The following ATG4A variants were observed in gnomAD, a reference collection of about 807,000 sequenced individuals.
The protein encoded by ATG4A is cysteine protease ATG4A.
A neutral mutation model predicts 38.4 loss-of-function variants in ATG4A; 22 were observed. The ratio of observed to expected loss-of-function variants is 0.57; its 90% CI spans 0.41 to 0.82. ATG4A has a LOEUF of 0.82. Ranked by LOEUF, ATG4A falls within the 40% of genes least tolerant of loss-of-function variation. The probability of loss-of-function intolerance (pLI) is 0.00; values close to 1 mark genes in which losing one functional copy is unlikely to be tolerated. For missense variants in ATG4A, 220 were observed against 290.0 expected (o/e 0.76, Z 1.75); for synonymous variants, 86 against 100.7 (o/e 0.85, Z 0.88).
Position 108,153,988 on chromosome X carries a change from G to A in ATG4A, c.*276G>A, listed in dbSNP as rs1264113621. 8.6e-6 allele frequency: 2 copies of A among 231,578 alleles called. No homozygotes were observed. The highest frequency in any genetic ancestry group is 1.5e-5 in the Non-Finnish European group (2 of 130,917). 19.1% of individuals were successfully genotyped at this position (231,578 alleles called of 1,213,427 possible). A position where few individuals can be genotyped will look rare whatever the true frequency, so the allele number is the denominator to read the frequency against. The stretch of plus-strand genomic sequence containing the variant: ...ATTGCTTCCCAGCTTGTGTTATATG[G>A]CTACAGCAAGTCTTCAGCTGCTGCA... On this transcript the variant is annotated 3_prime_UTR_variant, in exon 13 of 13. Transcript: ENST00000372232.
intron 1 of ATG4A, among the ~76,000 whole-genome samples, chrX:108,094,779 A>G (rs2031752461): frequency 8.9e-6 from 1 of 112,210 alleles, no homozygotes; most frequent in Non-Finnish European, 1.9e-5. Flanking sequence ...ATCACTTCCA[A>G]TTGAAAGTTT....
At chrX:108,114,498 A>G (rs1424197054) in intron 1 of ATG4A, among the ~76,000 whole-genome samples, 3 of 112,137 alleles carry the variant, frequency 2.7e-5, no homozygotes, top group Non-Finnish European at 3.8e-5. Flanking sequence ...CCCTCTTTCA[A>G]TAAGATTTGG....
intron 3 of ATG4A, 114 bp from the exon 4 acceptor site, chrX:108,131,146 T>G: frequency 1.5e-6 from 1 of 658,491 alleles, no homozygotes; most frequent in Middle Eastern, 5.1e-4. Context: ...ATCTGTCACC[T>G]CACTTTTCAG....
chrX:108,101,556 G>A (rs893473339), intron 1 of ATG4A, among the ~76,000 whole-genome samples: 3 of 109,473 alleles, frequency 2.7e-5, no homozygotes, highest in Non-Finnish European at 5.7e-5. Flanking sequence ...TGCTTTAGCT[G>A]CATGTCATGT....
At chrX:108,135,257 A>G (rs757031482) in intron 6 of ATG4A, among the ~76,000 whole-genome samples, 7 of 112,359 alleles carry the variant, frequency 6.2e-5, no homozygotes, top group Middle Eastern at 4.6e-3. Flanking sequence ...TAAGTACTCA[A>G]TAAGTGCTCG....
At chrX:108,115,892 G>T (rs2032495814) in intron 1 of ATG4A, among the ~76,000 whole-genome samples, 1 of 112,356 alleles carries the variant, frequency 8.9e-6, no homozygotes, top group Non-Finnish European at 1.9e-5. Context: ...GATTAAAAAT[G>T]GGTTCGTATT....
intron 1 of ATG4A, among the ~76,000 whole-genome samples, chrX:108,124,599 G>C (rs1478904272): frequency 9.0e-6 from 1 of 110,514 alleles, no homozygotes; most frequent in Non-Finnish European, 1.9e-5. Flanking sequence ...CTACAGGCAT[G>C]CACCACCATG....
At chrX:108,133,348 T>C (rs141477339) in intron 4 of ATG4A, among the ~76,000 whole-genome samples, 1 of 112,411 alleles carries the variant, frequency 8.9e-6, no homozygotes, top group Non-Finnish European at 1.9e-5. Flanking sequence ...CCTCAGCAAG[T>C]TACGAATGGC....
At chrX:108,127,490 G>A (rs2032831551) in intron 2 of ATG4A, among the ~76,000 whole-genome samples, 1 of 111,922 alleles carries the variant, frequency 8.9e-6, no homozygotes, top group Non-Finnish European at 1.9e-5. Context: ...CCCCATTTAT[G>A]GATGAGGAAA....
rs763471998 is a variant in ATG4A, at chrX:108,153,052, C to T, written c.1091C>T (p.Pro364Leu). 3 of 1,210,863 alleles carry T rather than the reference C, an allele frequency of 2.5e-6. No homozygotes were observed. Among genetic ancestry groups the T allele is most frequent in the Admixed American group, 2.2e-5 (1 of 46,037 alleles). Residue 364 changes from proline to leucine, a missense_variant, in exon 12 of 13, where the codon CCT becomes CTT. This residue lies in a region of ATG4A where 159 missense variants were observed against 188.9 expected (regional missense o/e 0.84). Coordinates refer to ENST00000372232, the MANE Select transcript of ATG4A (RefSeq NM_052936.5). ...KHPSHWPPFV[P>L]PAKPEVTTTG... ...CCATCACACTGGCCTCCCTTTGTACCTCCAGCCAAGCCAGAAGTGACAACC... is the reference window on the plus strand; with the variant it reads ...CCATCACACTGGCCTCCCTTTGTACTTCCAGCCAAGCCAGAAGTGACAACC...
intron 9 of ATG4A, among the ~76,000 whole-genome samples, chrX:108,141,626 A>C (rs1010879040): frequency 9.1e-6 from 1 of 110,171 alleles, no homozygotes; most frequent in Non-Finnish European, 1.9e-5. Context: ...CTGGCCTTCA[A>C]ATTTTGCCTG....
In ATG4A at chrX:108,152,358, C is replaced by T. The variant is rs1014560070; in HGVS notation, c.1017+500C>T. Among the ~76,000 whole-genome samples the T allele has an allele frequency of 2.7e-5, 3 of 110,764 alleles. No individual in the cohort carries two copies. In the Admixed American group the frequency reaches 2.9e-4, roughly 11 times the overall value. On this transcript the variant is annotated intron_variant, in intron 11 of 12. Coordinates refer to ENST00000372232, the MANE Select transcript of ATG4A (RefSeq NM_052936.5). ...AAGCGATTCTCCTCCCTCAGCCTCC[C>T]GAGTAGCTGGGATTACAGGCGCCCA...
chrX:108,106,152 T>TA (rs1479278873), intron 1 of ATG4A, among the ~76,000 whole-genome samples: 1 of 111,310 alleles, frequency 9.0e-6, no homozygotes, highest in Non-Finnish European at 1.9e-5. Context: ...TTTTTTTTTT[T>TA]ACTTCCCTTG....
rs756368578 is a variant in ATG4A at position 108,153,573 on chromosome X, A to G, written c.1127-69A>G. On this transcript the variant is annotated intron_variant, in intron 12 of 12. Transcript: ENST00000372232. ...AAATGCTTAGTCTTAACTACTGAGTAAAGTATTTACTGACCACTTCAACCC... is the reference window on the plus strand; with the variant it reads ...AAATGCTTAGTCTTAACTACTGAGTGAAGTATTTACTGACCACTTCAACCC... 44 of 854,896 alleles carry G rather than the reference A, an allele frequency of 5.1e-5. No individual in the cohort carries two copies. In the South Asian group the frequency reaches 7.7e-4, roughly 15 times the overall value. The allele number at this position is 854,896 out of a possible 1,213,427, so 70.5% of individuals were successfully genotyped here. A position where few individuals can be genotyped will look rare whatever the true frequency, so the allele number is the denominator to read the frequency against.
intron 9 of ATG4A, among the ~76,000 whole-genome samples, chrX:108,145,896 G>T (rs187270651): frequency 9.0e-6 from 1 of 111,566 alleles, no homozygotes; most frequent in African/African-American, 3.3e-5. Flanking sequence ...AGTTGCACCT[G>T]AACTAAAACT....
intron 1 of ATG4A, among the ~76,000 whole-genome samples, chrX:108,109,888 T>A (rs1187034063): frequency 8.9e-6 from 1 of 111,835 alleles, no homozygotes; most frequent in Non-Finnish European, 1.9e-5. Context: ...ATAATTCTTT[T>A]GAAATTGGGA....
At chrX:108,107,706 G>A (rs1484359064) in intron 1 of ATG4A, among the ~76,000 whole-genome samples, 1 of 111,576 alleles carries the variant, frequency 9.0e-6, no homozygotes, top group Non-Finnish European at 1.9e-5. Context: ...TTCAGGGAAA[G>A]GTGGGAGTCA....
chrX:108,095,085 G>A (rs752590030), intron 1 of ATG4A, among the ~76,000 whole-genome samples: 1 of 111,823 alleles, frequency 8.9e-6, no homozygotes, highest in Non-Finnish European at 1.9e-5. Context: ...CTCCTGAGGC[G>A]CATGCCACCA....
rs905642732 is a variant in ATG4A at position 108,148,585 on chromosome X, A to G, written c.815-1567A>G. ...AAGGTCCTGGTCAGAGTCAGAGAAGATGTTATTATTCTCAACACCTTAACT... is the reference window on the plus strand; with the variant it reads ...AAGGTCCTGGTCAGAGTCAGAGAAGGTGTTATTATTCTCAACACCTTAACT... On this transcript the variant is annotated intron_variant, in intron 9 of 12. Transcript: ENST00000372232. Among the ~76,000 whole-genome samples the G allele has an allele frequency of 6.3e-5, 7 of 110,349 alleles. No homozygotes were observed. In the South Asian group the frequency reaches 2.3e-3, roughly 37 times the overall value.
Sources: gnomAD v4.1 joint callset for allele counts (sites outside exome capture counted in the v4.1 genomes callset) on GRCh38, gnomAD v4.1.1 for gene constraint, gnomAD v4.1.1 regional missense constraint, MANE v1.5 for transcripts, NCBI Gene and HGNC (gene_info 2026-07-23, HGNC 2026-07-21) for gene names.